The following ANKIB1 variants were observed in gnomAD, a reference collection of about 807,000 sequenced individuals.
The protein encoded by ANKIB1 is ankyrin repeat and IBR domain containing 1, also known as ankyrin repeat and IBR domain-containing protein 1.
Under a neutral mutation model 122.1 loss-of-function variants are expected in ANKIB1, and 43 were observed. That is an observed-to-expected ratio of 0.35 (90% CI 0.28 to 0.45). ANKIB1 has a LOEUF of 0.45. ANKIB1 is among the 20% of genes least tolerant of loss of function. ANKIB1 has a pLI of 1.00. For missense variants in ANKIB1, 992 were observed against 1,329.5 expected (o/e 0.75, Z 3.95); for synonymous variants, 390 against 442.0 (o/e 0.88, Z 1.48).
chr7:92,278,045 C>T (rs948537371), intron 1 of ANKIB1, among the ~76,000 whole-genome samples: 1 of 150,664 alleles, frequency 6.6e-6, no homozygotes, highest in Non-Finnish European at 1.5e-5. Context: ...GATCGTGCCA[C>T]TGCATTCCAG....
At chr7:92,344,053 T>C (rs751210732) in intron 6 of ANKIB1, among the ~76,000 whole-genome samples, 1 of 152,194 alleles carries the variant, frequency 6.6e-6, no homozygotes, top group African/African-American at 2.4e-5. Flanking sequence ...AATTTGCATA[T>C]GTAACGTGAT....
At chr7:92,362,834 T>G (rs914155645) in intron 10 of ANKIB1, among the ~76,000 whole-genome samples, 7 of 152,212 alleles carry the variant, frequency 4.6e-5, no homozygotes, top group African/African-American at 1.7e-4. Flanking sequence ...AGAGGAAAAC[T>G]AATGCTTAGA....
intron 4 of ANKIB1, among the ~76,000 whole-genome samples, chr7:92,324,487 G>A (rs771220147): frequency 2.6e-5 from 4 of 152,178 alleles, no homozygotes; most frequent in Non-Finnish European, 4.4e-5. Flanking sequence ...ACCCACCTCG[G>A]CCTCCCAAAG....
intron 1 of ANKIB1, among the ~76,000 whole-genome samples, chr7:92,269,070 A>G (rs1721314453): frequency 1.3e-5 from 2 of 152,254 alleles, no homozygotes; most frequent in South Asian, 2.1e-4. Flanking sequence ...CAGGAAGAAC[A>G]TTAGAAATTA....
At chr7:92,341,392 C>T (rs1585116131) in intron 5 of ANKIB1, among the ~76,000 whole-genome samples, 1 of 150,734 alleles carries the variant, frequency 6.6e-6, no homozygotes, top group Admixed American at 6.6e-5. Flanking sequence ...GGGCCTTAGA[C>T]TCATTAGTCT....
chr7:92,266,457 A>G (rs1253219877), intron 1 of ANKIB1, among the ~76,000 whole-genome samples: 1 of 152,164 alleles, frequency 6.6e-6, no homozygotes, highest in East Asian at 1.9e-4. Flanking sequence ...GGAAGGAACA[A>G]ATCTGAAAGA....
At chr7:92,391,024 T>C (rs1804772762) in intron 15 of ANKIB1, 142 bp from the exon 16 acceptor site, 1 of 524,660 alleles carries the variant, frequency 1.9e-6, no homozygotes, top group Non-Finnish European at 3.2e-6. Flanking sequence ...GAAAATATAT[T>C]ACATAGGAAG....
intron 10 of ANKIB1, among the ~76,000 whole-genome samples, chr7:92,367,361 A>C (rs1804112167): frequency 6.6e-6 from 1 of 152,248 alleles, no homozygotes; most frequent in Non-Finnish European, 1.5e-5. Flanking sequence ...GGCGAGGATT[A>C]AAGTGAACAA....
At chr7:92,282,971 C>T (rs1193758799) in intron 1 of ANKIB1, among the ~76,000 whole-genome samples, 2 of 152,072 alleles carry the variant, frequency 1.3e-5, no homozygotes, top group African/African-American at 4.8e-5. Flanking sequence ...TGTTCATTTG[C>T]CAGTTTGTCA....
Position 92,307,456 on chromosome 7 carries a change from G to C in ANKIB1, c.286G>C (p.Glu96Gln), listed in dbSNP as rs780213860. ...LCMGPQIMIS[E>Q]GALHPRLARP... The stretch of plus-strand genomic sequence containing the variant: ...TATGGGACCTCAAATTATGATATCT[G>C]AAGGAGCCCTTCATCCTCGCTTGGC... The change falls in exon 3 of 20, where the codon GAA becomes CAA. Residue 96 changes from glutamate to glutamine, a missense_variant. Transcript: ENST00000265742. 1.7e-5 allele frequency: 28 copies of C among 1,613,954 alleles called. No homozygotes were observed. The highest frequency in any genetic ancestry group is 2.4e-5 in the Non-Finnish European group (28 of 1,179,884).
intron 9 of ANKIB1, among the ~76,000 whole-genome samples, chr7:92,361,698 G>C (rs1455706122): frequency 6.6e-6 from 1 of 151,762 alleles, no homozygotes; most frequent in African/African-American, 2.4e-5. Flanking sequence ...TGGTCTAATG[G>C]TATCAAGCTT....
chr7:92,284,069 A>T (rs1320081134), intron 1 of ANKIB1, among the ~76,000 whole-genome samples: 3 of 152,124 alleles, frequency 2.0e-5, no homozygotes, highest in African/African-American at 7.2e-5. Flanking sequence ...GCACCCGGCC[A>T]CTTTCCTTAT....
In ANKIB1 at chr7:92,277,655, A is replaced by G. The variant is rs146954451; in HGVS notation, c.-90-17234A>G. Among the ~76,000 whole-genome samples the G allele has an allele frequency of 2.0e-5, 3 of 152,308 alleles. No individual in the cohort carries two copies. In the East Asian group the frequency reaches 5.8e-4, roughly 29 times the overall value. On this transcript the variant is annotated intron_variant, in intron 1 of 19. Transcript: ENST00000265742. ...ACAATATTTATGGATGTTCTGTGTGAAAGTGCAGGGAGTGGGCGTGGAGGC... is the reference window on the plus strand; with the variant it reads ...ACAATATTTATGGATGTTCTGTGTGGAAGTGCAGGGAGTGGGCGTGGAGGC...
intron 10 of ANKIB1, among the ~76,000 whole-genome samples, chr7:92,366,272 C>G (rs1383760551): frequency 2.6e-5 from 4 of 152,114 alleles, no homozygotes; most frequent in African/African-American, 9.7e-5. Flanking sequence ...AGCATCTCCA[C>G]AGCTGTCTAG....
chr7:92,332,631 A>C (rs993913281), intron 5 of ANKIB1, among the ~76,000 whole-genome samples: 1 of 152,202 alleles, frequency 6.6e-6, no homozygotes, highest in Non-Finnish European at 1.5e-5. Context: ...GTGACAGGCT[A>C]ATTTGCTTGT....
At chr7:92,309,473 G>A (rs1019072062) in intron 3 of ANKIB1, among the ~76,000 whole-genome samples, 44 of 152,046 alleles carry the variant, frequency 2.9e-4, no homozygotes, top group African/African-American at 9.9e-4. Context: ...AATTCCTGGG[G>A]CTTTTTACAC....
intron 1 of ANKIB1, among the ~76,000 whole-genome samples, chr7:92,257,837 A>G (rs368152587): frequency 6.6e-6 from 1 of 152,184 alleles, no homozygotes; most frequent in Non-Finnish European, 1.5e-5. Context: ...CTATCTTTCA[A>G]CCATTCTAAC....
chr7:92,279,554 G>A (rs1801976692), intron 1 of ANKIB1, among the ~76,000 whole-genome samples: 1 of 152,142 alleles, frequency 6.6e-6, no homozygotes, highest in African/African-American at 2.4e-5. Flanking sequence ...ACAGAGGGGT[G>A]TCCTAAATTT....
chr7:92,353,003 TA>T (rs1803698479), intron 9 of ANKIB1, among the ~76,000 whole-genome samples: 1 of 152,174 alleles, frequency 6.6e-6, no homozygotes, highest in South Asian at 2.1e-4. Context: ...CCCATGTGCC[TA>T]AACTATAATA....
Sources: allele counts gnomAD v4.1 joint callset (sites outside exome capture counted in the v4.1 genomes callset), GRCh38; gene constraint gnomAD v4.1.1; transcripts MANE v1.5; gene names NCBI Gene and HGNC (gene_info 2026-07-23, HGNC 2026-07-21).